EVI5L: variants seen among roughly 807,000 people sequenced by gnomAD.
The protein encoded by EVI5L is ecotropic viral integration site 5 like.
A neutral mutation model predicts 106.1 loss-of-function variants in EVI5L; 30 were observed. The ratio of observed to expected loss-of-function variants is 0.28; its 90% confidence interval spans 0.21 to 0.38. The LOEUF (loss-of-function observed/expected upper bound fraction) is 0.38, where lower values mean the gene tolerates loss of function less well. Among genes scored for constraint, EVI5L ranks in the 10% least tolerant of loss-of-function variants. The pLI is 1.00. For missense variants in EVI5L, 809 were observed against 1,098.0 expected, an observed-to-expected ratio of 0.74 and a Z score of 3.72; for synonymous variants, 489 against 483.3, an observed-to-expected ratio of 1.01 and a Z score of -0.15.
chr19:7,833,706 AC>A (rs1978306785), intron 1 of EVI5L, among the ~76,000 whole-genome samples: 1 of 152,138 alleles, frequency 6.6e-6, no homozygotes, highest in African/African-American at 2.4e-5. Context: ...TAGGCGTCTT[AC>A]TACAAGCCCT....
intron 1 of EVI5L, among the ~76,000 whole-genome samples, chr19:7,843,550 ATG>A (rs376655109): frequency 1.7e-5 from 1 of 58,144 alleles, no homozygotes; most frequent in Non-Finnish European, 3.5e-5. Context: ...GAGTGTGTGC[ATG>A]TGTGTATAGG....
intron 17 of EVI5L, among the ~76,000 whole-genome samples, 187 bp downstream of exon 17, chr19:7,862,721 C>CCTGCCCG (rs1979889509): frequency 1.8e-5 from 2 of 109,494 alleles, no homozygotes; most frequent in African/African-American, 6.5e-5. Flanking sequence ...GCCTCCTGAT[C>CCTGCCCG]CGGCCCCGCC....
At chr19:7,838,100 T>TTTTTG (rs1239787605) in intron 1 of EVI5L, among the ~76,000 whole-genome samples, 35 of 152,002 alleles carry the variant, frequency 2.3e-4, no homozygotes, top group Non-Finnish European at 3.5e-4. Context: ...GGTTGGTTTT[T>TTTTTG]TTTTGTTTTG....
At chr19:7,837,078 C>A (rs1161969993) in intron 1 of EVI5L, among the ~76,000 whole-genome samples, 1 of 150,426 alleles carries the variant, frequency 6.6e-6, no homozygotes, top group Non-Finnish European at 1.5e-5. Context: ...CGCCTGTAAT[C>A]CCAGCACTTT....
At chr19:7,847,223 C>T (rs1206907735) in intron 2 of EVI5L, among the ~76,000 whole-genome samples, 1 of 152,004 alleles carries the variant, frequency 6.6e-6, no homozygotes, top group Non-Finnish European at 1.5e-5. Flanking sequence ...ACCCGGGAGG[C>T]GGACGCTGCA....
At chr19:7,861,233 C>T (rs1015463846) in intron 14 of EVI5L, among the ~76,000 whole-genome samples, 2 of 152,214 alleles carry the variant, frequency 1.3e-5, no homozygotes, top group Non-Finnish European at 2.9e-5. Context: ...AAATGGAGGA[C>T]TGAGAGGCCA....
In EVI5L at chr19:7,863,064, C is replaced by G. The variant is rs1054929282; in HGVS notation, c.2040C>G (p.Ile680Met). Residue 680 changes from isoleucine to methionine, a missense_variant, in exon 18 of 20, where the codon ATC becomes ATG. Around this residue, in one of 2 missense-constraint regions of EVI5L, gnomAD observed 452 missense variants for 509.9 expected, o/e 0.89. Coordinates refer to ENST00000538904, the MANE Select transcript of EVI5L (RefSeq NM_001159944.3). The surrounding 1 kb of genome is among the most constrained non-coding windows in gnomAD (Gnocchi z 7.7). The stretch of plus-strand genomic sequence containing the variant: ...GGCAGCGCATTGCCGAGCTGGAGAT[C>G]CAGGTGATCGGCGGGGCCGGGGTCG... The part of the protein sequence containing the change: ...EMRQRIAELE[I>M]QREEGRIQGQ... The G allele has an allele frequency of 1.3e-6, 2 of 1,504,918 alleles. No homozygotes were observed. The highest frequency in any genetic ancestry group is 1.8e-6 in the Non-Finnish European group (2 of 1,113,946). The allele number at this position is 1,504,918 out of a possible 1,614,324, so 93.2% of individuals were successfully genotyped here. A position where few individuals can be genotyped will look rare whatever the true frequency, so the allele number is the denominator to read the frequency against.
chr19:7,863,823 C>G lies in EVI5L; in HGVS notation c.*121C>G. ...TACGCGCCCTCTGTGGCTCGGCCAC[C>G]CCTAAAGCGAGGCCCGGCGAGGCAG... On this transcript the variant is annotated 3_prime_UTR_variant, in exon 20 of 20. Coordinates refer to ENST00000538904, the MANE Select transcript of EVI5L (RefSeq NM_001159944.3). This position sits in a 1 kb window ranked among gnomAD's most constrained non-coding sequence, Gnocchi z 7.7. 1 of 1,349,472 alleles carries G rather than the reference C, an allele frequency of 7.4e-7. No homozygotes were observed. Among genetic ancestry groups the G allele is most frequent in the Non-Finnish European group, 9.7e-7 (1 of 1,035,206 alleles). 83.6% of individuals were successfully genotyped at this position (1,349,472 alleles called of 1,614,324 possible). A position where few individuals can be genotyped will look rare whatever the true frequency, so the allele number is the denominator to read the frequency against.
chr19:7,858,797 G>T lies in EVI5L; in HGVS notation c.1374+466G>T. 1 of 158,442 alleles carries T rather than the reference G, an allele frequency of 6.3e-6. No homozygotes were observed. 9.8% of individuals were successfully genotyped at this position (158,442 alleles called of 1,614,324 possible). ...TGAGCCAGCAGGGTGGGGCTGAGGG[G>T]GCACCTTGAGTGTCTTGAGGGCCAT... On this transcript the variant is annotated intron_variant, in intron 13 of 19. Coordinates refer to ENST00000538904, the MANE Select transcript of EVI5L (RefSeq NM_001159944.3). This position sits in a 1 kb window ranked among gnomAD's most constrained non-coding sequence, Gnocchi z 5.7.
At position 7,833,672 on chromosome 19, in the gene EVI5L, G is replaced by A. The variant is rs59012498; in HGVS notation, c.-48+3291G>A. On this transcript the variant is annotated intron_variant, in intron 1 of 19. Coordinates refer to ENST00000538904, the MANE Select transcript of EVI5L (RefSeq NM_001159944.3). ...GGAGCAAGCGTGGTGCGCTCAGGGA[G>A]GCGTGTCCCTGTACTTCCTTTGATA... Among the ~76,000 whole-genome samples the A allele has an allele frequency of 2.7e-3, 408 of 152,340 alleles. 4 individuals are homozygous for A. The highest frequency in any genetic ancestry group is 9.5e-3 in the African/African-American group (394 of 41,580).
intron 1 of EVI5L, 66 bp from the exon 2 acceptor site, chr19:7,846,430 A>C: frequency 1.0e-5 from 14 of 1,406,460 alleles, no homozygotes; most frequent in Middle Eastern, 2.5e-4. Flanking sequence ...AAATGTCCCG[A>C]GGGTGGGCAG....
chr19:7,863,472 G>T lies in EVI5L; in HGVS notation c.2188G>T (p.Asp730Tyr), dbSNP rs866534410. The T allele has an allele frequency of 6.4e-7, 1 of 1,568,894 alleles. No individual in the cohort carries two copies. The highest frequency in any genetic ancestry group is 8.6e-7 in the Non-Finnish European group (1 of 1,158,420). The change falls in exon 20 of 20, where the codon GAT becomes TAT. Residue 730 changes from aspartate (D) to tyrosine (Y), a missense_variant. By Grantham distance (160) the Asp-to-Tyr change is radical. This residue lies in a region of EVI5L where 452 missense variants were observed against 509.9 expected (regional missense o/e 0.89). Coordinates refer to ENST00000538904, the MANE Select transcript of EVI5L (RefSeq NM_001159944.3). This position sits in a 1 kb window ranked among gnomAD's most constrained non-coding sequence, Gnocchi z 7.7. Reference sequence around the variant, plus strand: ...GCCCTTCGAGGACCCGCTGGCTTTCGATGGGCTGAGCCTGGCGCGGCACTT... The same window carrying T: ...GCCCTTCGAGGACCCGCTGGCTTTCTATGGGCTGAGCCTGGCGCGGCACTT... The part of the protein sequence containing the change: ...PPPFEDPLAF[D>Y]GLSLARHLDE...
chr19:7,862,761 TC>T (rs1431958217), intron 17 of EVI5L, among the ~76,000 whole-genome samples: 2 of 27,390 alleles, frequency 7.3e-5, no homozygotes, highest in African/African-American at 3.1e-4. Flanking sequence ...CGGTCCCGCC[TC>T]CTGATCCGCC....
At chr19:7,862,336 A>T (rs1264856978) in intron 16 of EVI5L, 52 bp from the exon 17 acceptor site, 41 of 1,581,342 alleles carry the variant, frequency 2.6e-5, no homozygotes, top group Non-Finnish European at 3.4e-5. Context: ...CCAGCCCCTG[A>T]GTTAGGCCCT....
chr19:7,862,740 A>ACCC (rs71179150), intron 17 of EVI5L, among the ~76,000 whole-genome samples: 472 of 23,100 alleles, frequency 0.02, 11 homozygotes, highest in South Asian at 0.097. Flanking sequence ...CCTCCTGACC[A>ACCC]CCCCCCCCCG....
chr19:7,837,991 C>T (rs1978415305), intron 1 of EVI5L, among the ~76,000 whole-genome samples: 1 of 152,152 alleles, frequency 6.6e-6, no homozygotes, highest in South Asian at 2.1e-4. Context: ...GTGTGAGCCC[C>T]CATGCCCGGC....
chr19:7,843,281 T>G (rs1340551451), intron 1 of EVI5L, among the ~76,000 whole-genome samples: 1 of 132,754 alleles, frequency 7.5e-6, no homozygotes, highest in Non-Finnish European at 1.6e-5. Context: ...GGCATGGGTG[T>G]GTGTGTCATG....
rs1979947022 is a variant in EVI5L at position 7,863,355 on chromosome 19, C to G, written c.2140-69C>G. ...GGACGAGCCGAGCGCAGGTGCCTTG[C>G]GGAGGATGCGGCTGGGAGGGCGGGG... is the stretch of plus-strand genomic sequence containing the variant. On this transcript the variant is annotated intron_variant, in intron 19 of 19. Coordinates refer to ENST00000538904, the MANE Select transcript of EVI5L (RefSeq NM_001159944.3). The surrounding 1 kb of genome is among the most constrained non-coding windows in gnomAD (Gnocchi z 7.7). The G allele has an allele frequency of 6.5e-7, 1 of 1,541,774 alleles. No individual in the cohort carries two copies.
Position 7,857,386 on chromosome 19 carries a change from C to A in EVI5L, c.1233+262C>A. On this transcript the variant is annotated intron_variant, in intron 12 of 19. Coordinates refer to ENST00000538904, the MANE Select transcript of EVI5L (RefSeq NM_001159944.3). The surrounding 1 kb of genome is among the most constrained non-coding windows in gnomAD (Gnocchi z 4.5). ...CACATGCATGTACAGAAAGCTTCCT[C>A]CGGGCGACACAGGGTGGGGACCCAG... 1 of 596,106 alleles carries A rather than the reference C, an allele frequency of 1.7e-6. No homozygotes were observed. The highest frequency in any genetic ancestry group is 3.0e-6 in the Non-Finnish European group (1 of 334,604). 36.9% of individuals were successfully genotyped at this position (596,106 alleles called of 1,614,324 possible). A position where few individuals can be genotyped will look rare whatever the true frequency, so the allele number is the denominator to read the frequency against.
Sources: gnomAD v4.1 joint callset for allele counts (sites outside exome capture counted in the v4.1 genomes callset) on GRCh38, gnomAD v4.1.1 for gene constraint, gnomAD v4.1.1 regional missense constraint, Gnocchi (gnomAD v3.1) non-coding constraint, MANE v1.5 for transcripts, NCBI Gene and HGNC (gene_info 2026-07-23, HGNC 2026-07-21) for gene names.